Variants in MRAP observed in about 807,000 individuals in gnomAD.
MRAP encodes the protein melanocortin-2 receptor accessory protein.
MRAP carries 8 observed loss-of-function variants against 8.7 expected under a neutral mutation model. The ratio of observed to expected loss-of-function variants is 0.92; its 90% CI spans 0.54 to 1.66. The LOEUF (loss-of-function observed/expected upper bound fraction) is 1.66, where lower values mean the gene tolerates loss of function less well. MRAP is among the 40% of genes most tolerant of loss of function. MRAP has a pLI of 0.00. For synonymous variants in MRAP, 95 were observed against 95.5 expected, an observed-to-expected ratio of 1.00 and a Z score of 0.03; for missense variants, 237 against 217.1, an observed-to-expected ratio of 1.09 and a Z score of -0.58.
At chr21:32,314,415 C>A, downstream of MRAP, 1 of 733,642 alleles carries the variant, frequency 1.4e-6, no homozygotes, top group Non-Finnish European at 2.4e-6. Flanking sequence ...GAACTCCTGA[C>A]CTCAGGTGAT....
intron 2 of MRAP, chr21:32,311,467 T>C: frequency 9.7e-6 from 2 of 205,790 alleles, no homozygotes; most frequent in Non-Finnish European, 1.7e-5. Context: ...GGGAAAGACC[T>C]GAGGCCTAGT....
At chr21:32,313,925 G>A (rs13050265), downstream of MRAP, 140,349 of 152,710 alleles carry the variant, frequency 0.92, 64,771 homozygotes, top group Middle Eastern at 0.99. Context: ...ATAGCCTCTT[G>A]ACAACAATGA....
intron 2 of MRAP, among the ~76,000 whole-genome samples, chr21:32,310,105 C>G (rs912272892): frequency 6.6e-6 from 1 of 152,162 alleles, no homozygotes; most frequent in East Asian, 1.9e-4. Flanking sequence ...TGGTCTGGTC[C>G]GGCAAGCCCA....
chr21:32,314,661 C>CT (rs1321359773), downstream of MRAP: 1 of 1,612,750 alleles, frequency 6.2e-7, no homozygotes, highest in Non-Finnish European at 8.5e-7. Flanking sequence ...TGACGAGGCA[C>CT]TGGATGGGCC....
At position 32,292,607 on chromosome 21, in the gene MRAP, C is replaced by T. The variant is rs567213546; in HGVS notation, c.-150-386C>T. Among the ~76,000 whole-genome samples the T allele has an allele frequency of 4.6e-5, 7 of 152,110 alleles. No homozygotes were observed. In the South Asian group the frequency reaches 1.5e-3, roughly 32 times the overall value. On this transcript the variant is annotated intron_variant, in intron 1 of 4. Transcript: ENST00000399784. The stretch of plus-strand genomic sequence containing the variant: ...GAGTAGCTGGGATTACAGGTGTGCA[C>T]CACCACGCCTGACTGATTTTTGTAT...
intron 2 of MRAP, among the ~76,000 whole-genome samples, chr21:32,310,134 C>T (rs2032523088): frequency 6.6e-6 from 1 of 152,226 alleles, no homozygotes. Context: ...CTCCACCACG[C>T]CCAGCTCCCT....
chr21:32,301,997 A>T (rs966970573), intron 1 of MRAP, among the ~76,000 whole-genome samples: 3 of 152,264 alleles, frequency 2.0e-5, no homozygotes, highest in Admixed American at 2.0e-4. Flanking sequence ...AAGTAGTGAA[A>T]GTAATTTTTA....
At chr21:32,292,182 G>T (rs1275666815) in intron 1 of MRAP, among the ~76,000 whole-genome samples, 3 of 152,106 alleles carry the variant, frequency 2.0e-5, no homozygotes, top group East Asian at 3.9e-4. Context: ...GATACATAGA[G>T]AAATATTTGC....
At position 32,301,771 on chromosome 21, in the gene MRAP, A is replaced by G. The variant is rs189596277; in HGVS notation, c.106+2694A>G. Among the ~76,000 whole-genome samples, 199 of 152,284 alleles carry G rather than the reference A, an allele frequency of 1.3e-3. 2 individuals are homozygous for G. The highest frequency in any genetic ancestry group is 4.6e-3 in the African/African-American group (193 of 41,558). ...TCCCTTTAGTTATGGGTTAAGAAGA[A>G]CTGGTCATAGTCCATATTGACCTCT... On this transcript the variant is annotated intron_variant, in intron 1 of 2. Transcript: ENST00000303645.
upstream of MRAP, among the ~76,000 whole-genome samples, chr21:32,296,808 A>G (rs2032147771): frequency 6.6e-6 from 1 of 152,184 alleles, no homozygotes; most frequent in African/African-American, 2.4e-5. Context: ...TAGGGCCCTT[A>G]CCATGAATGA....
intron 2 of MRAP, among the ~76,000 whole-genome samples, chr21:32,309,455 T>A (rs1171783766): frequency 2.6e-5 from 4 of 151,542 alleles, no homozygotes; most frequent in Non-Finnish European, 5.9e-5. Context: ...ATTCATTTTT[T>A]TTTTTTTGTT....
intron 2 of MRAP, among the ~76,000 whole-genome samples, chr21:32,309,409 G>T (rs929157945): frequency 2.4e-4 from 37 of 151,862 alleles, no homozygotes; most frequent in Non-Finnish European, 4.0e-4. Context: ...CTCACCTTTG[G>T]TCACATATGG....
chr21:32,293,238 C>G (rs937490716), intron 2 of MRAP: 2 of 152,154 alleles, frequency 1.3e-5, no homozygotes, highest in East Asian at 1.9e-4. Flanking sequence ...AACAGATTCT[C>G]TCCTGGGGCC....
chr21:32,297,522 G>T (rs539156868), upstream of MRAP, among the ~76,000 whole-genome samples: 196 of 152,260 alleles, frequency 1.3e-3, no homozygotes, highest in Non-Finnish European at 2.3e-3. Flanking sequence ...CCCACACCCT[G>T]CCCCATGTGT....
At chr21:32,301,291 C>T (rs1344119206) in intron 1 of MRAP, among the ~76,000 whole-genome samples, 1 of 152,142 alleles carries the variant, frequency 6.6e-6, no homozygotes, top group African/African-American at 2.4e-5. Flanking sequence ...AATGTTTGTG[C>T]TTATGCTCTG....
downstream of MRAP, chr21:32,312,970 G>GA (rs2032615426): frequency 6.6e-6 from 1 of 152,162 alleles, no homozygotes; most frequent in South Asian, 2.1e-4. Flanking sequence ...GAAAATACAC[G>GA]AACAAGGTCA....
chr21:32,301,699 C>A (rs2032301676), intron 1 of MRAP, among the ~76,000 whole-genome samples: 1 of 152,166 alleles, frequency 6.6e-6, no homozygotes, highest in South Asian at 2.1e-4. Flanking sequence ...TTGAGTAGTG[C>A]CTGGCTTAAT....
intron 1 of MRAP, among the ~76,000 whole-genome samples, chr21:32,300,142 G>A (rs2032225563): frequency 6.6e-6 from 1 of 152,170 alleles, no homozygotes; most frequent in Admixed American, 6.5e-5. Context: ...GCTCACGCCT[G>A]TAATCCCACC....
intron 1 of MRAP, among the ~76,000 whole-genome samples, chr21:32,300,695 CAG>C (rs369166146): frequency 5.7e-4 from 52 of 91,490 alleles, no homozygotes; most frequent in South Asian, 1.6e-3. Context: ...CGTCCTATGT[CAG>C]GGGCGTCATG....
Sources: allele counts gnomAD v4.1 joint callset (sites outside exome capture counted in the v4.1 genomes callset), GRCh38; gene constraint gnomAD v4.1.1; transcripts MANE v1.5; gene names NCBI Gene and HGNC (gene_info 2026-07-23, HGNC 2026-07-21).